The following PARD3 variants were observed in gnomAD, a reference collection of about 807,000 sequenced individuals.
PARD3 encodes the protein partitioning defective 3 homolog.
Under a neutral mutation model 155.4 loss-of-function variants are expected in PARD3, and 75 were observed. The ratio of observed to expected loss-of-function variants is 0.48; its 90% CI spans 0.40 to 0.58. PARD3 has a LOEUF of 0.58. Ranked by LOEUF, PARD3 falls within the 20% of genes least tolerant of loss-of-function variation. The pLI, the probability that PARD3 is intolerant of heterozygous loss-of-function variation, is 0.00. For missense variants in PARD3, 1,642 were observed against 1,721.7 expected (o/e 0.95, Z 0.82); for synonymous variants, 576 against 610.5 (o/e 0.94, Z 0.83).
At chr10:34,648,953 CA>C (rs1387320198) in intron 2 of PARD3, among the ~76,000 whole-genome samples, 1 of 152,124 alleles carries the variant, frequency 6.6e-6, no homozygotes, top group Non-Finnish European at 1.5e-5. Flanking sequence ...GGGACACCAT[CA>C]TCATCAGTTT....
In PARD3 at chr10:34,295,027, C is replaced by A. The variant is rs76163515; in HGVS notation, c.3066-10782G>T. ...GACCAGCATGGGCAACATAGTGACACCCCACCTCCACAAAAACTCAAAAAT... is the reference window on the plus strand; with the variant it reads ...GACCAGCATGGGCAACATAGTGACAACCCACCTCCACAAAAACTCAAAAAT... On this transcript the variant is annotated intron_variant, in intron 20 of 24. Transcript: ENST00000374788. 1.0e-3 allele frequency among the ~76,000 whole-genome samples: 158 copies of A among 152,180 alleles called. 4 individuals are homozygous for A. In the East Asian group the frequency reaches 0.026, roughly 25 times the overall value.
chr10:34,125,940 A>G (rs117291128), intron 23 of PARD3, among the ~76,000 whole-genome samples: 1,616 of 152,330 alleles, frequency 0.011, 13 homozygotes, highest in Non-Finnish European at 0.012. Context: ...TTTTTACGGC[A>G]TACTGTACTT....
At chr10:34,313,761 G>A (rs1375707645) in intron 20 of PARD3, among the ~76,000 whole-genome samples, 1 of 152,140 alleles carries the variant, frequency 6.6e-6, no homozygotes, top group African/African-American at 2.4e-5. Flanking sequence ...GAGTTGCAGG[G>A]AGGCAACAGG....
At chr10:34,750,462 AACACAC>A (rs71033348) in intron 1 of PARD3, among the ~76,000 whole-genome samples, 29,095 of 135,586 alleles carry the variant, frequency 0.21, 3,495 homozygotes, top group East Asian at 0.42. Context: ...CTCTCTTTCA[AACACAC>A]ACACACACAC....
chr10:34,718,120 C>CT (rs1339251712), intron 1 of PARD3, among the ~76,000 whole-genome samples: 3 of 144,286 alleles, frequency 2.1e-5, no homozygotes, highest in African/African-American at 7.7e-5. Context: ...TGCCACTGCA[C>CT]TCCAGCCTGG....
At chr10:34,687,061 CAAAT>C (rs2093964877) in intron 2 of PARD3, among the ~76,000 whole-genome samples, 2 of 151,780 alleles carry the variant, frequency 1.3e-5, no homozygotes, top group African/African-American at 4.8e-5. Context: ...AAAAAATAAA[CAAAT>C]AAAATAATAA....
chr10:34,776,493 T>C (rs1588697578), intron 1 of PARD3, among the ~76,000 whole-genome samples: 2 of 151,752 alleles, frequency 1.3e-5, no homozygotes. Flanking sequence ...AAATGTGGTA[T>C]GAACCACAGG....
intron 5 of PARD3, among the ~76,000 whole-genome samples, chr10:34,443,277 CA>C (rs2076562934): frequency 6.6e-6 from 1 of 152,176 alleles, no homozygotes; most frequent in African/African-American, 2.4e-5. Context: ...CTTTTGCCCT[CA>C]ATCTTCAAGA....
At chr10:34,405,944 T>A (rs1844420763) in intron 5 of PARD3, among the ~76,000 whole-genome samples, 1 of 152,146 alleles carries the variant, frequency 6.6e-6, no homozygotes, top group Admixed American at 6.6e-5. Flanking sequence ...TCTACAAACA[T>A]CCTTGAAAAG....
Position 34,801,985 on chromosome 10 carries a change from C to T in PARD3, c.120+12891G>A, listed in dbSNP as rs1842873909. Among the ~76,000 whole-genome samples, 3 of 152,290 alleles carry T rather than the reference C, an allele frequency of 2.0e-5. 1 individual carries two copies. Among genetic ancestry groups the T allele is most frequent in the Middle Eastern group, 6.8e-3 (2 of 294 alleles). On this transcript the variant is annotated intron_variant, in intron 1 of 24. Coordinates refer to ENST00000374788, the MANE Select transcript of PARD3 (RefSeq NM_001184785.2). ...ATACAGACAGTATTTACATTTTATA[C>T]TTTTATCCTTTCCAAGTTTTAAAAG... is the stretch of plus-strand genomic sequence containing the variant.
rs2133245494 is a variant in PARD3, at chr10:34,484,899, T to C, written c.404-14636A>G. On this transcript the variant is annotated intron_variant, in intron 3 of 24. Coordinates refer to ENST00000374788, the MANE Select transcript of PARD3 (RefSeq NM_001184785.2). The stretch of plus-strand genomic sequence containing the variant: ...ACAAGCTCCTTTCGTGGCTGCCAGA[T>C]CGTGTCATTGTGTTTGCCATGCTGC... Among the ~76,000 whole-genome samples the C allele has an allele frequency of 2.6e-5, 4 of 152,322 alleles. No individual in the cohort carries two copies. In the Middle Eastern group the frequency reaches 0.014, roughly 518 times the overall value.
intron 2 of PARD3, among the ~76,000 whole-genome samples, chr10:34,603,141 T>C (rs2089935125): frequency 6.6e-6 from 1 of 152,018 alleles, no homozygotes; most frequent in African/African-American, 2.4e-5. Context: ...TGAGGGAGTA[T>C]ACCAGAAAAA....
chr10:34,234,291 T>A (rs1027165747), intron 22 of PARD3, among the ~76,000 whole-genome samples: 5 of 151,386 alleles, frequency 3.3e-5, no homozygotes, highest in Admixed American at 3.3e-4. Context: ...AAAAAGCCAT[T>A]GGGATGTTTC....
At chr10:34,240,752 C>T (rs925469203) in intron 22 of PARD3, among the ~76,000 whole-genome samples, 1 of 152,072 alleles carries the variant, frequency 6.6e-6, no homozygotes. Flanking sequence ...CCAACCTCCC[C>T]CTTCCTGTCT....
chr10:34,296,420 A>C (rs1956913387), intron 20 of PARD3, among the ~76,000 whole-genome samples: 1 of 152,086 alleles, frequency 6.6e-6, no homozygotes, highest in South Asian at 2.1e-4. Context: ...TTGTAGAGAC[A>C]AGGTCTTGCT....
intron 1 of PARD3, among the ~76,000 whole-genome samples, chr10:34,740,849 A>C (rs1301777647): frequency 6.6e-6 from 1 of 152,218 alleles, no homozygotes; most frequent in Non-Finnish European, 1.5e-5. Context: ...AACAGTGGTT[A>C]AATTTTTTTT....
Position 34,382,635 on chromosome 10 carries a change from G to C in PARD3, c.1304C>G (p.Pro435Arg). 1 of 1,614,120 alleles carries C rather than the reference G, an allele frequency of 6.2e-7. No homozygotes were observed. The highest frequency in any genetic ancestry group is 8.5e-7 in the Non-Finnish European group (1 of 1,180,032). ...AHPSGKPPSA[P>R]ASAPQNVFST... Reference sequence around the variant, plus strand: ...AAATACATTCTGAGGTGCCGAGGCTGGAGCGGATGGTGGTTTTCCCGAGGG... The same window carrying C: ...AAATACATTCTGAGGTGCCGAGGCTCGAGCGGATGGTGGTTTTCCCGAGGG... The change falls in exon 9 of 25, where the codon CCA becomes CGA. Residue 435 changes from proline to arginine, a missense_variant. Transcript: ENST00000374788.
chr10:34,171,459 T>C (rs1949788098), intron 22 of PARD3, among the ~76,000 whole-genome samples: 1 of 152,190 alleles, frequency 6.6e-6, no homozygotes. Flanking sequence ...GTGATATTAA[T>C]TTAACTTGTA....
intron 2 of PARD3, among the ~76,000 whole-genome samples, chr10:34,688,351 A>G (rs1356076835): frequency 6.6e-6 from 1 of 152,252 alleles, no homozygotes; most frequent in Non-Finnish European, 1.5e-5. Context: ...CAAATAATAA[A>G]TGACAAAGAC....
Sources: allele counts gnomAD v4.1 joint callset (sites outside exome capture counted in the v4.1 genomes callset), GRCh38; gene constraint gnomAD v4.1.1; transcripts MANE v1.5; gene names NCBI Gene and HGNC (gene_info 2026-07-23, HGNC 2026-07-21).